KANK1: variants seen among roughly 807,000 people sequenced by gnomAD.
The protein encoded by KANK1 is KN motif and ankyrin repeat domains 1, also known as KN motif and ankyrin repeat domain-containing protein 1.
KANK1 carries 109 observed loss-of-function variants against 106.2 expected under a neutral mutation model. That is an observed-to-expected ratio of 1.03 (90% CI 0.88 to 1.20). The LOEUF is 1.20. KANK1 is among the 50% of genes most tolerant of loss of function. The probability of loss-of-function intolerance (pLI) is 0.00; values close to 1 mark genes in which losing one functional copy is unlikely to be tolerated. For synonymous variants in KANK1, 873 were observed against 652.2 expected, an observed-to-expected ratio of 1.34 and a Z score of -5.16; for missense variants, 2,399 against 1,710.7, an observed-to-expected ratio of 1.40 and a Z score of -7.10.
intron 2 of KANK1, chr9:693,866 C>G (rs1820578423): frequency 2.1e-6 from 2 of 942,160 alleles, no homozygotes. Flanking sequence ...TAAACTCGAG[C>G]TCTGTGTGTT....
At chr9:568,613 CT>C (rs769334450) in intron 1 of KANK1, among the ~76,000 whole-genome samples, 2 of 152,134 alleles carry the variant, frequency 1.3e-5, no homozygotes, top group African/African-American at 2.4e-5. Context: ...CCTCAGCCTG[CT>C]GAATAGCTAG....
At chr9:470,748 T>A (rs1452699168) in intron 2 of KANK1, 1 of 152,346 alleles carries the variant, frequency 6.6e-6, no homozygotes, top group Non-Finnish European at 1.5e-5. Context: ...AAGTTTAATC[T>A]CCCATTCAGC....
chr9:504,772 G>GCCGTGCCGCGCC lies in KANK1; in HGVS notation c.-84+29_-84+40dup, dbSNP rs1455755544. On this transcript the variant is annotated intron_variant, in intron 1 of 11. Coordinates refer to ENST00000382297, the MANE Select transcript of KANK1 (RefSeq NM_015158.5). ...GGCCGAAGGTGAGTGACGCGGCGGG[G>GCCGTGCCGCGCC]CCGTGCCGCGCCCCGTGCCGCGGCG... is the stretch of plus-strand genomic sequence containing the variant. 6.1e-5 allele frequency: 9 copies of GCCGTGCCGCGCC among 148,290 alleles called. No individual in the cohort carries two copies. Among genetic ancestry groups the GCCGTGCCGCGCC allele is most frequent in the African/African-American group, 2.0e-4 (8 of 40,228 alleles). The allele number at this position is 148,290 out of a possible 1,614,324, so 9.2% of individuals were successfully genotyped here. A position where few individuals can be genotyped will look rare whatever the true frequency, so the allele number is the denominator to read the frequency against.
At chr9:700,299 A>G (rs1822332805) in intron 2 of KANK1, among the ~76,000 whole-genome samples, 1 of 152,182 alleles carries the variant, frequency 6.6e-6, no homozygotes. Flanking sequence ...TCTCTAACAA[A>G]TGGTGTTCCT....
chr9:706,767 G>C, intron 2 of KANK1: 1 of 985,392 alleles, frequency 1.0e-6, no homozygotes, highest in Non-Finnish European at 1.2e-6. Context: ...ACCAGTGAGT[G>C]CTGCCCGGAT....
intron 1 of KANK1, among the ~76,000 whole-genome samples, chr9:527,244 G>A (rs2059832025): frequency 6.6e-6 from 1 of 151,724 alleles, no homozygotes; most frequent in South Asian, 2.1e-4. Context: ...TGGATACTAT[G>A]GTATCCTCCT....
At chr9:600,353 C>A (rs1563836856) in intron 1 of KANK1, among the ~76,000 whole-genome samples, 1 of 151,736 alleles carries the variant, frequency 6.6e-6, no homozygotes, top group African/African-American at 2.4e-5. Flanking sequence ...TATGTTGTAA[C>A]ATGTGTCCAA....
chr9:508,131 T>C lies in KANK1; in HGVS notation c.-84+3377T>C, dbSNP rs534014680. On this transcript the variant is annotated intron_variant, in intron 1 of 11. Transcript: ENST00000382297. The stretch of plus-strand genomic sequence containing the variant: ...GACACCCTGCTCAGCCTTTTTTTTT[T>C]TTTTTTTTTTTTTTTTTTTTTTTTG... Among the ~76,000 whole-genome samples the C allele has an allele frequency of 4.7e-4, 41 of 87,962 alleles. 1 individual carries two copies. In the East Asian group the frequency reaches 9.3e-3, roughly 20 times the overall value. The allele number at this position is 87,962 out of a possible 152,430, so 57.7% of individuals were successfully genotyped here.
At chr9:734,865 G>A in intron 7 of KANK1, 30 bp downstream of exon 7, 1 of 1,529,664 alleles carries the variant, frequency 6.5e-7, no homozygotes, top group Non-Finnish European at 9.1e-7. Flanking sequence ...ACCATCCCCA[G>A]TGTGTACAAA....
At chr9:596,432 C>T (rs1381093233) in intron 1 of KANK1, among the ~76,000 whole-genome samples, 1 of 151,804 alleles carries the variant, frequency 6.6e-6, no homozygotes, top group Admixed American at 6.5e-5. Flanking sequence ...CCAAGGCTGG[C>T]TGTCCTCTGA....
intron 3 of KANK1, chr9:478,053 C>T (rs1265244507): frequency 3.7e-5 from 7 of 190,948 alleles, no homozygotes; most frequent in East Asian, 1.6e-4. Flanking sequence ...CCATTCAGAA[C>T]AGACAGGCTC....
intron 2 of KANK1, chr9:677,440 T>A (rs751886281): frequency 6.4e-6 from 1 of 155,092 alleles, no homozygotes; most frequent in South Asian, 2.0e-4. Flanking sequence ...AAGAGAAGTA[T>A]ATATTCTGTA....
chr9:708,968 G>C (rs1426427439), intron 2 of KANK1, among the ~76,000 whole-genome samples: 2 of 152,208 alleles, frequency 1.3e-5, no homozygotes, highest in Admixed American at 6.5e-5. Flanking sequence ...CGCTTTGAAA[G>C]GTTCTTGTGT....
At chr9:659,415 C>T (rs1196333055) in intron 1 of KANK1, among the ~76,000 whole-genome samples, 2 of 152,122 alleles carry the variant, frequency 1.3e-5, no homozygotes, top group Admixed American at 6.5e-5. Context: ...GTTCCTGCTT[C>T]AGTAGGTCTG....
intron 1 of KANK1, among the ~76,000 whole-genome samples, chr9:597,341 G>T (rs1050487342): frequency 2.0e-5 from 3 of 151,768 alleles, no homozygotes; most frequent in Non-Finnish European, 2.9e-5. Context: ...AATGTACAAG[G>T]TTCCAATTTT....
chr9:555,799 A>G (rs1014585645), intron 1 of KANK1, among the ~76,000 whole-genome samples: 2 of 152,236 alleles, frequency 1.3e-5, no homozygotes, highest in Non-Finnish European at 2.9e-5. Flanking sequence ...GTTTCTCAAA[A>G]TACAATTAGG....
At chr9:715,276 C>G (rs1827377127) in intron 3 of KANK1, among the ~76,000 whole-genome samples, 1 of 152,154 alleles carries the variant, frequency 6.6e-6, no homozygotes, top group Admixed American at 6.5e-5. Flanking sequence ...CAAACAGAGT[C>G]TGCAAGAACT....
rs1018145122 is a variant in KANK1 at position 527,708 on chromosome 9, T to C, written c.-84+22954T>C. Among the ~76,000 whole-genome samples the C allele has an allele frequency of 7.5e-4, 113 of 151,112 alleles. 3 individuals carry two copies. The highest frequency in any genetic ancestry group is 2.7e-3 in the African/African-American group (110 of 40,708). On this transcript the variant is annotated intron_variant, in intron 1 of 11. Coordinates refer to ENST00000382297, the MANE Select transcript of KANK1 (RefSeq NM_015158.5). The stretch of plus-strand genomic sequence containing the variant: ...ATCTAAATTGTCTTTTTTTTTTTTT[T>C]CTTTTACCTTCACACTTACTAGTTT...
chr9:628,856 A>G (rs1834987749), intron 1 of KANK1, among the ~76,000 whole-genome samples: 2 of 152,046 alleles, frequency 1.3e-5, no homozygotes, highest in African/African-American at 4.8e-5. Context: ...AAGTGCGCAG[A>G]TCACTTGAGG....
Sources: allele counts gnomAD v4.1 joint callset (sites outside exome capture counted in the v4.1 genomes callset), GRCh38; gene constraint gnomAD v4.1.1; transcripts MANE v1.5; gene names NCBI Gene and HGNC (gene_info 2026-07-23, HGNC 2026-07-21).